The following RMND5A variants were observed in gnomAD, a reference collection of about 807,000 sequenced individuals.
RMND5A encodes the protein E3 ubiquitin-protein transferase RMND5A.
In RMND5A, 17 loss-of-function variants were observed where a neutral mutation model predicts 49.7. The ratio of observed to expected loss-of-function variants is 0.34; its 90% CI spans 0.23 to 0.51. The LOEUF (loss-of-function observed/expected upper bound fraction) is 0.51, where lower values mean the gene tolerates loss of function less well. Among genes scored for constraint, RMND5A ranks in the 20% least tolerant of loss-of-function variants. The probability of loss-of-function intolerance (pLI) is 0.96; values close to 1 mark genes in which losing one functional copy is unlikely to be tolerated. For missense variants in RMND5A, 255 were observed against 471.3 expected, an observed-to-expected ratio of 0.54 and a Z score of 4.25; for synonymous variants, 156 against 167.7, an observed-to-expected ratio of 0.93 and a Z score of 0.54.
At chr2:86,758,961 C>T (rs890297537) in intron 4 of RMND5A, among the ~76,000 whole-genome samples, 3 of 152,140 alleles carry the variant, frequency 2.0e-5, no homozygotes, top group Non-Finnish European at 1.5e-5. Context: ...GTCATTCATT[C>T]CCCTGAACTT....
At chr2:86,752,091 A>G in intron 3 of RMND5A, 61 bp downstream of exon 3, 1 of 1,538,684 alleles carries the variant, frequency 6.5e-7, no homozygotes, top group South Asian at 1.2e-5. Context: ...TGGAGTTTAT[A>G]GTATTTGCAG....
At chr2:86,723,936 T>C (rs1242956987) in intron 1 of RMND5A, among the ~76,000 whole-genome samples, 3 of 152,022 alleles carry the variant, frequency 2.0e-5, no homozygotes, top group Non-Finnish European at 4.4e-5. Flanking sequence ...TTTCTCTCGT[T>C]AATCTTTTTT....
intron 2 of RMND5A, among the ~76,000 whole-genome samples, chr2:86,746,825 C>G (rs1261550328): frequency 1.3e-5 from 2 of 152,212 alleles, no homozygotes; most frequent in Non-Finnish European, 2.9e-5. Flanking sequence ...CACGTTACTC[C>G]CTCATTTTTT....
intron 2 of RMND5A, among the ~76,000 whole-genome samples, chr2:86,744,805 C>T (rs552181109): frequency 1.3e-5 from 2 of 152,222 alleles, no homozygotes; most frequent in East Asian, 3.9e-4. Context: ...ACCTCAGCAT[C>T]CAAGTCCCAG....
intron 2 of RMND5A, among the ~76,000 whole-genome samples, chr2:86,749,685 C>T (rs1014928636): frequency 3.3e-5 from 5 of 152,162 alleles, no homozygotes; most frequent in African/African-American, 1.2e-4. Context: ...CCATCATGCC[C>T]ACCCCGTTAT....
At chr2:86,768,022 TCA>T (rs1672629334) in intron 6 of RMND5A, among the ~76,000 whole-genome samples, 1 of 152,238 alleles carries the variant, frequency 6.6e-6, no homozygotes. Context: ...GCCACTCTTC[TCA>T]CACATATATT....
chr2:86,745,562 A>G (rs376435550), intron 2 of RMND5A, among the ~76,000 whole-genome samples: 144 of 152,308 alleles, frequency 9.5e-4, no homozygotes, highest in African/African-American at 3.1e-3. Context: ...CCTGTTGGGA[A>G]TAGGGAAAGG....
At chr2:86,721,983 AT>A (rs1483187012) in intron 1 of RMND5A, among the ~76,000 whole-genome samples, 2 of 112,700 alleles carry the variant, frequency 1.8e-5, no homozygotes, top group Non-Finnish European at 3.4e-5. Context: ...CACTGCAGTC[AT>A]TTTTGAACTC....
chr2:86,759,670 A>C (rs527942388), intron 4 of RMND5A, among the ~76,000 whole-genome samples: 10 of 138,540 alleles, frequency 7.2e-5, no homozygotes, highest in Non-Finnish European at 1.3e-4. Flanking sequence ...CGCGGTGGTG[A>C]GCACCTGTAA....
rs553490845 is a variant in RMND5A at position 86,763,192 on chromosome 2, G to A, written c.522-1835G>A. Among the ~76,000 whole-genome samples the A allele has an allele frequency of 2.3e-3, 351 of 151,346 alleles. 7 individuals carry two copies. Among genetic ancestry groups the A allele is most frequent in the Non-Finnish European group, 6.9e-4 (47 of 67,774 alleles). On this transcript the variant is annotated intron_variant, in intron 4 of 8. Transcript: ENST00000283632. ...ATTGACTTTTTTAAAATTAAAATTT[G>A]TAGTTACTCTATTAGCTCCAGTCTT...
chr2:86,728,944 C>T lies in RMND5A; in HGVS notation c.142+8135C>T, dbSNP rs192945037. On this transcript the variant is annotated intron_variant, in intron 1 of 8. Coordinates refer to ENST00000283632, the MANE Select transcript of RMND5A (RefSeq NM_022780.4). ...TTTTTTTTTTGTATTTTAGTAGAGA[C>T]GAGATTTTACCATGTTGGCCAGGAT... 4.3e-4 allele frequency among the ~76,000 whole-genome samples: 66 copies of T among 151,894 alleles called. 2 individuals are homozygous for T. The highest frequency in any genetic ancestry group is 1.5e-3 in the African/African-American group (61 of 41,262).
chr2:86,749,610 G>A (rs555138181), intron 2 of RMND5A, among the ~76,000 whole-genome samples: 3 of 152,126 alleles, frequency 2.0e-5, no homozygotes, highest in African/African-American at 7.2e-5. Flanking sequence ...GGTTGGTCTT[G>A]AACTCCTGAC....
At chr2:86,771,833 A>G in intron 8 of RMND5A, 121 bp downstream of exon 8, 1 of 822,336 alleles carries the variant, frequency 1.2e-6, no homozygotes. Flanking sequence ...TAAATTTCTT[A>G]ACTATTCATT....
In RMND5A at chr2:86,770,033, G is replaced by C; in HGVS notation, c.865G>C (p.Gly289Arg). 6.2e-7 allele frequency: 1 copy of C among 1,613,736 alleles called. No homozygotes were observed. The highest frequency in any genetic ancestry group is 8.5e-7 in the Non-Finnish European group (1 of 1,179,698). Residue 289 changes from glycine (G) to arginine (R), a missense_variant, in exon 7 of 9, where the codon GGT (glycine) becomes CGT (arginine). Transcript: ENST00000283632. The part of the protein sequence containing the change: ...ESPLSVSFSA[G>R]CVALPALINI... ...CTTCTGCTCTCCCAGTTTCTCAGCA[G>C]GTTGTGTGGCGCTGCCAGCTTTAAT...
Position 86,765,789 on chromosome 2 carries a change from G to A in RMND5A, c.689-70G>A, listed in dbSNP as rs904470958. On this transcript the variant is annotated intron_variant, in intron 5 of 8. Transcript: ENST00000283632. Reference sequence around the variant, plus strand: ...ATTTTAGGCTGTATCAGTATGGGTGGGGGTATTCTTGCTTTTCGCAGCTTA... The same window carrying A: ...ATTTTAGGCTGTATCAGTATGGGTGAGGGTATTCTTGCTTTTCGCAGCTTA... 2.2e-6 allele frequency: 3 copies of A among 1,341,394 alleles called. No individual in the cohort carries two copies. In the African/African-American group the frequency reaches 4.3e-5, roughly 19 times the overall value. The allele number at this position is 1,341,394 out of a possible 1,614,324, so 83.1% of individuals were successfully genotyped here. A position where few individuals can be genotyped will look rare whatever the true frequency, so the allele number is the denominator to read the frequency against.
chr2:86,750,766 GCT>G (rs1229832248), intron 2 of RMND5A, among the ~76,000 whole-genome samples: 1 of 112,688 alleles, frequency 8.9e-6, no homozygotes, highest in Non-Finnish European at 1.8e-5. Context: ...GGTCCCTGAG[GCT>G]CTGTTTTTTT....
At chr2:86,746,661 C>G (rs948275488) in intron 2 of RMND5A, among the ~76,000 whole-genome samples, 7 of 152,304 alleles carry the variant, frequency 4.6e-5, no homozygotes, top group African/African-American at 1.4e-4. Context: ...TGAGGGCACC[C>G]ACTCTACATA....
chr2:86,777,421 G>T lies in RMND5A; in HGVS notation c.*4010G>T, dbSNP rs1193258711. 1 of 152,178 alleles carries T rather than the reference G, an allele frequency of 6.6e-6. No individual in the cohort carries two copies. Among genetic ancestry groups the T allele is most frequent in the Non-Finnish European group, 1.5e-5 (1 of 68,042 alleles). 9.4% of individuals were successfully genotyped at this position (152,178 alleles called of 1,614,324 possible). ...AGAAAATGGGAGTGTGAGTGAGTGT[G>T]CATGTGTCTGAAGTTCACCATTGCC... On this transcript the variant is annotated 3_prime_UTR_variant, in exon 9 of 9. Coordinates refer to ENST00000283632, the MANE Select transcript of RMND5A (RefSeq NM_022780.4).
chr2:86,753,971 G>A (rs916572034), intron 4 of RMND5A, among the ~76,000 whole-genome samples: 3 of 152,202 alleles, frequency 2.0e-5, no homozygotes, highest in Admixed American at 2.0e-4. Context: ...TGGTGTGGAT[G>A]AAGAGAACAA....
Sources: allele counts gnomAD v4.1 joint callset (sites outside exome capture counted in the v4.1 genomes callset), GRCh38; gene constraint gnomAD v4.1.1; transcripts MANE v1.5; gene names NCBI Gene and HGNC (gene_info 2026-07-23, HGNC 2026-07-21).